ANKIB1: variants seen among roughly 807,000 people sequenced by gnomAD.
The protein encoded by ANKIB1 is ankyrin repeat and IBR domain containing 1.
ANKIB1 carries 43 observed loss-of-function variants against 122.1 expected under a neutral mutation model. The observed-to-expected ratio is 0.35, with a 90% CI of 0.28 to 0.45. ANKIB1 has a LOEUF of 0.45. Among genes scored for constraint, ANKIB1 ranks in the 20% least tolerant of loss-of-function variants. The pLI, the probability that ANKIB1 is intolerant of heterozygous loss-of-function variation, is 1.00. For synonymous variants in ANKIB1, 390 were observed against 442.0 expected, an observed-to-expected ratio of 0.88 and a Z score of 1.48; for missense variants, 992 against 1,329.5, an observed-to-expected ratio of 0.75 and a Z score of 3.95.
At chr7:92,301,467 G>A (rs1802456699) in intron 2 of ANKIB1, among the ~76,000 whole-genome samples, 1 of 151,920 alleles carries the variant, frequency 6.6e-6, no homozygotes, top group Non-Finnish European at 1.5e-5. Flanking sequence ...TTATATGACT[G>A]TTGGTTATTT....
At chr7:92,394,358 T>G (rs1265775125) in intron 17 of ANKIB1, among the ~76,000 whole-genome samples, 1 of 152,210 alleles carries the variant, frequency 6.6e-6, no homozygotes, top group East Asian at 1.9e-4. Flanking sequence ...ATATACATTC[T>G]TGAAGATCTT....
chr7:92,253,126 A>T (rs928031800), intron 1 of ANKIB1, among the ~76,000 whole-genome samples: 28 of 152,182 alleles, frequency 1.8e-4, no homozygotes, highest in African/African-American at 4.8e-5. Context: ...ACAGAATCAT[A>T]AAGTTGTTCC....
Position 92,352,652 on chromosome 7 carries a change from A to G in ANKIB1, c.1397+10A>G, listed in dbSNP as rs1803691422. ...GACACCTCTTCTGCTGGTTAGTATAAGACAAGTTGGAATCAGCCTAATCAC... is the reference window on the plus strand; with the variant it reads ...GACACCTCTTCTGCTGGTTAGTATAGGACAAGTTGGAATCAGCCTAATCAC... On this transcript the variant is annotated intron_variant, in intron 9 of 19. Coordinates refer to ENST00000265742, the MANE Select transcript of ANKIB1 (RefSeq NM_019004.2). 6.3e-7 allele frequency: 1 copy of G among 1,593,004 alleles called. No individual in the cohort carries two copies.
intron 3 of ANKIB1, among the ~76,000 whole-genome samples, chr7:92,318,724 G>A (rs1261611810): frequency 5.3e-5 from 8 of 152,278 alleles, no homozygotes; most frequent in African/African-American, 1.4e-4. Context: ...GTTTTTAAAG[G>A]TGGGATTTCT....
At chr7:92,269,774 G>A (rs894730847) in intron 1 of ANKIB1, among the ~76,000 whole-genome samples, 4 of 151,276 alleles carry the variant, frequency 2.6e-5, no homozygotes, top group South Asian at 2.1e-4. Context: ...ATAACTATCC[G>A]TAATACAGTT....
chr7:92,289,536 T>G (rs1454342596), intron 1 of ANKIB1, among the ~76,000 whole-genome samples: 1 of 152,202 alleles, frequency 6.6e-6, no homozygotes, highest in Non-Finnish European at 1.5e-5. Flanking sequence ...ACTTTTGGCT[T>G]AGCATAGTTT....
At chr7:92,367,562 A>T (rs755315331) in intron 10 of ANKIB1, among the ~76,000 whole-genome samples, 1 of 152,200 alleles carries the variant, frequency 6.6e-6, no homozygotes, top group Non-Finnish European at 1.5e-5. Flanking sequence ...TCATGAAATA[A>T]TTTTCTTCTT....
chr7:92,267,119 A>G (rs1166740147), intron 1 of ANKIB1, among the ~76,000 whole-genome samples: 1 of 152,142 alleles, frequency 6.6e-6, no homozygotes, highest in Non-Finnish European at 1.5e-5. Context: ...TATGTAAACA[A>G]CTCTTTCGAG....
At chr7:92,302,659 ATTTATTAGAGCCTGTC>A (rs1021859124) in intron 2 of ANKIB1, among the ~76,000 whole-genome samples, 6 of 152,352 alleles carry the variant, frequency 3.9e-5, no homozygotes, top group Non-Finnish European at 8.8e-5. Flanking sequence ...AATAGAAAAT[ATTTATTAGAGCCTGTC>A]TTTATTAGAG....
intron 10 of ANKIB1, among the ~76,000 whole-genome samples, chr7:92,362,643 T>A (rs1803978671): frequency 6.6e-6 from 1 of 152,214 alleles, no homozygotes; most frequent in African/African-American, 2.4e-5. Flanking sequence ...GCTTCTCATA[T>A]CCCTGAAAGC....
At chr7:92,392,522 A>C (rs550626062) in intron 17 of ANKIB1, among the ~76,000 whole-genome samples, 13 of 152,278 alleles carry the variant, frequency 8.5e-5, no homozygotes, top group Admixed American at 8.5e-4. Context: ...CTGAATAGTC[A>C]GAATTAAGGC....
At chr7:92,283,296 C>T (rs748058341) in intron 1 of ANKIB1, among the ~76,000 whole-genome samples, 2 of 152,038 alleles carry the variant, frequency 1.3e-5, no homozygotes, top group African/African-American at 2.4e-5. Context: ...GTTGCTTTCT[C>T]GGTTAAAATA....
intron 1 of ANKIB1, among the ~76,000 whole-genome samples, chr7:92,252,782 A>T (rs1400685363): frequency 6.6e-6 from 1 of 151,722 alleles, no homozygotes; most frequent in Non-Finnish European, 1.5e-5. Context: ...GCATTTCCTT[A>T]GGGCTTTCTG....
At chr7:92,280,736 A>G (rs376434995) in intron 1 of ANKIB1, among the ~76,000 whole-genome samples, 2 of 152,182 alleles carry the variant, frequency 1.3e-5, no homozygotes, top group African/African-American at 2.4e-5. Context: ...CATTGGATCT[A>G]TCATTCTCAA....
chr7:92,290,738 A>G (rs182143301), intron 1 of ANKIB1, among the ~76,000 whole-genome samples: 302 of 152,286 alleles, frequency 2.0e-3, no homozygotes, highest in African/African-American at 6.8e-3. Flanking sequence ...GTTACAGATT[A>G]TTAACCTATC....
chr7:92,261,519 G>A (rs970701810), intron 1 of ANKIB1, among the ~76,000 whole-genome samples: 3 of 152,148 alleles, frequency 2.0e-5, no homozygotes, highest in Admixed American at 1.3e-4. Context: ...CCTAACACTC[G>A]TAGTGATATT....
Position 92,250,403 on chromosome 7 carries a change from A to C in ANKIB1, c.-91+3884A>C, listed in dbSNP as rs1242877999. Among the ~76,000 whole-genome samples, 4 of 152,208 alleles carry C rather than the reference A, an allele frequency of 2.6e-5. No individual in the cohort carries two copies. The East Asian group carries it at 5.8e-4, about 22-fold the overall frequency. ...AGCAAAACTCCGCCTAAAAATAAAT[A>C]AATCAATAAAGCAGATAATTATATA... is the stretch of plus-strand genomic sequence containing the variant. On this transcript the variant is annotated intron_variant, in intron 1 of 19. Transcript: ENST00000265742.
chr7:92,346,256 A>C (rs1343673456), intron 7 of ANKIB1, among the ~76,000 whole-genome samples: 1 of 151,652 alleles, frequency 6.6e-6, no homozygotes, highest in Non-Finnish European at 1.5e-5. Flanking sequence ...CTGCCTTCCC[A>C]GTAAGCTGGG....
At chr7:92,280,921 A>G (rs920954272) in intron 1 of ANKIB1, among the ~76,000 whole-genome samples, 14 of 152,276 alleles carry the variant, frequency 9.2e-5, no homozygotes, top group African/African-American at 3.4e-4. Flanking sequence ...GGTAAATCCC[A>G]CTTCTGACAC....
Sources: allele counts gnomAD v4.1 joint callset (sites outside exome capture counted in the v4.1 genomes callset), GRCh38; gene constraint gnomAD v4.1.1; transcripts MANE v1.5; gene names NCBI Gene and HGNC (gene_info 2026-07-23, HGNC 2026-07-21).